ZNF449: variants seen among roughly 807,000 people sequenced by gnomAD.
ZNF449 encodes zinc finger protein 449, also known as zinc finger and SCAN domain-containing protein 19.
Under a neutral mutation model 32.6 loss-of-function variants are expected in ZNF449, and 4 were observed. The ratio of observed to expected loss-of-function variants is 0.12; its 90% CI spans 0.06 to 0.28. The LOEUF is 0.28. Ranked by LOEUF, ZNF449 falls within the 10% of genes least tolerant of loss-of-function variation. The pLI is 1.00. For synonymous variants in ZNF449, 123 were observed against 132.2 expected, an observed-to-expected ratio of 0.93 and a Z score of 0.48; for missense variants, 275 against 383.2, an observed-to-expected ratio of 0.72 and a Z score of 2.36.
Position 135,349,104 on chromosome X carries a change from C to T in ZNF449, c.355-6C>T. The T allele has an allele frequency of 8.3e-7, 1 of 1,210,364 alleles. No individual in the cohort carries two copies. Among genetic ancestry groups the T allele is most frequent in the Non-Finnish European group, 1.1e-6 (1 of 894,369 alleles). On this transcript the variant is annotated splice_region_variant and splice_polypyrimidine_tract_variant and intron_variant, in intron 2 of 4. Coordinates refer to ENST00000339249, the MANE Select transcript of ZNF449 (RefSeq NM_152695.6). Reference sequence around the variant, plus strand: ...TTGAGAGTGATGGTTCTGGCATTTCCCCCAGGTTGATATGCATGACATGCT... The same window carrying T: ...TTGAGAGTGATGGTTCTGGCATTTCTCCCAGGTTGATATGCATGACATGCT...
intron 2 of ZNF449, chrX:135,347,891 GC>G: frequency 3.4e-6 from 1 of 297,832 alleles, no homozygotes; most frequent in African/African-American, 2.7e-5. Flanking sequence ...CAGTGAATGT[GC>G]CCCACAGTGC....
intron 3 of ZNF449, among the ~76,000 whole-genome samples, chrX:135,356,531 G>A (rs2084918787): frequency 9.0e-6 from 1 of 110,659 alleles, no homozygotes; most frequent in Non-Finnish European, 1.9e-5. Context: ...TTTTATTATT[G>A]AATTGTATGT....
intron 3 of ZNF449, among the ~76,000 whole-genome samples, chrX:135,354,062 G>A (rs2084902650): frequency 8.9e-6 from 1 of 112,152 alleles, no homozygotes; most frequent in African/African-American, 3.2e-5. Flanking sequence ...AACATTTGGA[G>A]AATACTTATA....
At chrX:135,359,814 G>A (rs2084935704) in intron 3 of ZNF449, 78 bp from the exon 4 acceptor site, 4 of 580,655 alleles carry the variant, frequency 6.9e-6, no homozygotes, top group Non-Finnish European at 1.2e-5. Flanking sequence ...GAGGCTATCT[G>A]TCCAAGAAAT....
chrX:135,362,301 TACAC>T lies in ZNF449; in HGVS notation c.*1232_*1235del, dbSNP rs1487167719. ...AATCTCTTTGAATTTTACTTACATT[TACAC>T]ACACACGCACACACATATGTATATA... On this transcript the variant is annotated 3_prime_UTR_variant, in exon 5 of 5. Coordinates refer to ENST00000339249, the MANE Select transcript of ZNF449 (RefSeq NM_152695.6). 1.8e-5 allele frequency: 2 copies of T among 111,803 alleles called. No homozygotes were observed. Among genetic ancestry groups the T allele is most frequent in the African/African-American group, 3.2e-5 (1 of 30,804 alleles). 9.2% of individuals were successfully genotyped at this position (111,803 alleles called of 1,213,427 possible).
At chrX:135,354,416 A>T (rs1464606409) in intron 3 of ZNF449, among the ~76,000 whole-genome samples, 1 of 112,410 alleles carries the variant, frequency 8.9e-6, no homozygotes, top group Non-Finnish European at 1.9e-5. Flanking sequence ...GTCAAAAGTG[A>T]ATGGGAATTG....
Position 135,347,202 on chromosome X carries a change from T to A in ZNF449, c.84T>A (p.Val28=). The part of the protein sequence containing the change: ...VFQEYDTDCE[V]FRQRFRQFQY... ...AAGAATATGATACTGACTGTGAAGT[T>A]TTCCGTCAGCGCTTCAGGCAGTTCC... Residue 28 remains valine (V), a synonymous_variant, in exon 2 of 5, where the codon GTT becomes GTA. Transcript: ENST00000339249. 1 of 1,212,147 alleles carries A rather than the reference T, an allele frequency of 8.2e-7. No individual in the cohort carries two copies. The highest frequency in any genetic ancestry group is 1.1e-6 in the Non-Finnish European group (1 of 895,635).
At chrX:135,352,943 A>G (rs1429636767) in intron 3 of ZNF449, among the ~76,000 whole-genome samples, 5 of 111,842 alleles carry the variant, frequency 4.5e-5, no homozygotes, top group Non-Finnish European at 7.5e-5. Context: ...TGGGATAGCT[A>G]TTGAAGGGCA....
intron 3 of ZNF449, among the ~76,000 whole-genome samples, chrX:135,356,479 C>T (rs1344202312): frequency 9.0e-6 from 1 of 111,358 alleles, no homozygotes; most frequent in Non-Finnish European, 1.9e-5. Context: ...TTTCATAGAC[C>T]TATTTAGTCC....
At chrX:135,351,672 A>C (rs1335388317) in intron 3 of ZNF449, among the ~76,000 whole-genome samples, 59 of 108,339 alleles carry the variant, frequency 5.4e-4, no homozygotes, top group African/African-American at 1.7e-3. Context: ...AAAAAAAAAA[A>C]AAAAAAAAAA....
At chrX:135,347,736 A>G (rs1377347790) in intron 2 of ZNF449, 4 of 969,315 alleles carry the variant, frequency 4.1e-6, no homozygotes, top group Admixed American at 3.9e-5. Context: ...ATCTACCCAC[A>G]TACATCAACC....
In ZNF449 at chrX:135,360,647, G is replaced by T; in HGVS notation, c.1128G>T (p.Glu376Asp). 1 of 1,211,434 alleles carries T rather than the reference G, an allele frequency of 8.3e-7. No homozygotes were observed. The highest frequency in any genetic ancestry group is 1.1e-6 in the Non-Finnish European group (1 of 895,369). Reference sequence around the variant, plus strand: ...GACACCAACGACTTCATACAGGGGAGAGACCCTATGAATGCACTGTATGTA... The same window carrying T: ...GACACCAACGACTTCATACAGGGGATAGACCCTATGAATGCACTGTATGTA... ...LYRHQRLHTG[E>D]RPYECTVCKK... Residue 376 changes from glutamate to aspartate, a missense_variant, in exon 5 of 5, where the codon GAG (glutamate) becomes GAT (aspartate). Around this residue, in one of 3 missense-constraint regions of ZNF449, gnomAD observed 80 missense variants for 146.6 expected, o/e 0.55. Transcript: ENST00000339249.
At chrX:135,352,721 C>T (rs2084894796) in intron 3 of ZNF449, among the ~76,000 whole-genome samples, 2 of 112,152 alleles carry the variant, frequency 1.8e-5, no homozygotes, top group Admixed American at 1.9e-4. Flanking sequence ...ATAACTTAAA[C>T]TTCTTCAGAT....
At chrX:135,347,697 A>C in intron 2 of ZNF449, 2 of 1,050,259 alleles carry the variant, frequency 1.9e-6, no homozygotes, top group Non-Finnish European at 2.5e-6. Flanking sequence ...CCACTTTACT[A>C]TGCACAAATG....
chrX:135,346,794 CT>C (rs3834998), intron 1 of ZNF449, among the ~76,000 whole-genome samples: 27,665 of 111,301 alleles, frequency 0.25, 2,771 homozygotes, highest in South Asian at 0.45. Context: ...ATTTTATAAA[CT>C]TTTGAAACTA....
At chrX:135,351,053 C>T (rs1163589764) in intron 3 of ZNF449, among the ~76,000 whole-genome samples, 1 of 111,357 alleles carries the variant, frequency 9.0e-6, no homozygotes, top group African/African-American at 3.3e-5. Flanking sequence ...TCCTGGGTCA[C>T]GAAGAACTTG....
chrX:135,348,788 G>A (rs1556449314), intron 2 of ZNF449: 10 of 1,021,974 alleles, frequency 9.8e-6, no homozygotes, highest in Non-Finnish European at 1.1e-5. Flanking sequence ...TACTAGTCAT[G>A]TACAGCTCTT....
chrX:135,363,280 G>A lies in ZNF449; in HGVS notation c.*2204G>A, dbSNP rs1556455024. The A allele has an allele frequency of 8.9e-6, 1 of 112,145 alleles. No homozygotes were observed. Among genetic ancestry groups the A allele is most frequent in the Non-Finnish European group, 1.9e-5 (1 of 53,248 alleles). The allele number at this position is 112,145 out of a possible 1,213,427, so 9.2% of individuals were successfully genotyped here. On this transcript the variant is annotated 3_prime_UTR_variant, in exon 5 of 5. Coordinates refer to ENST00000339249, the MANE Select transcript of ZNF449 (RefSeq NM_152695.6). Reference sequence around the variant, plus strand: ...CTTTTCTCTCTGCAACCATGGCACTGTGATTATGCATCATTTTTAGCATTT... The same window carrying A: ...CTTTTCTCTCTGCAACCATGGCACTATGATTATGCATCATTTTTAGCATTT...
Position 135,347,207 on chromosome X carries a change from G to C in ZNF449, c.89G>C (p.Arg30Pro). ...QEYDTDCEVF[R>P]QRFRQFQYRE... ...TATGATACTGACTGTGAAGTTTTCC[G>C]TCAGCGCTTCAGGCAGTTCCAGTAC... Residue 30 changes from arginine to proline, a missense_variant, in exon 2 of 5, where the codon CGT becomes CCT. Physicochemically the swap from Arg to Pro is moderately radical, Grantham distance 103. Around this residue, in one of 3 missense-constraint regions of ZNF449, gnomAD observed 30 missense variants for 61.6 expected, o/e 0.49. Transcript: ENST00000339249. The C allele has an allele frequency of 8.2e-7, 1 of 1,212,219 alleles. No individual in the cohort carries two copies. The highest frequency in any genetic ancestry group is 1.1e-6 in the Non-Finnish European group (1 of 895,630).
Sources: gnomAD v4.1 joint callset for allele counts (sites outside exome capture counted in the v4.1 genomes callset) on GRCh38, gnomAD v4.1.1 for gene constraint, gnomAD v4.1.1 regional missense constraint, MANE v1.5 for transcripts, NCBI Gene and HGNC (gene_info 2026-07-23, HGNC 2026-07-21) for gene names.